ATP6V1B1: variants seen among roughly 807,000 people sequenced by gnomAD.
ATP6V1B1 encodes the protein ATPase H+ transporting V1 subunit B1, also known as V-type proton ATPase subunit B, kidney isoform.
In ATP6V1B1, 41 loss-of-function variants were observed where a neutral mutation model predicts 62.1. That is an observed-to-expected ratio of 0.66 (90% CI 0.51 to 0.86). The LOEUF is 0.86. Ranked by LOEUF, ATP6V1B1 falls within the 40% of genes least tolerant of loss-of-function variation. ATP6V1B1 has a pLI of 0.00. For synonymous variants in ATP6V1B1, 253 were observed against 273.4 expected (o/e 0.93, Z 0.74); for missense variants, 651 against 697.5 (o/e 0.93, Z 0.75).
intron 2 of ATP6V1B1, among the ~76,000 whole-genome samples, chr2:70,944,772 T>C (rs949019039): frequency 2.7e-5 from 4 of 150,766 alleles, no homozygotes; most frequent in East Asian, 2.0e-4. Context: ...AGGTTCACGC[T>C]ATTCTCCTGC....
chr2:70,938,059 G>A (rs1553415778), intron 1 of ATP6V1B1, among the ~76,000 whole-genome samples: 2 of 152,162 alleles, frequency 1.3e-5, no homozygotes, highest in African/African-American at 2.4e-5. Context: ...TCTAGGCTCT[G>A]CTCCCTGCCA....
At chr2:70,962,210 C>T (rs1260745735) in intron 8 of ATP6V1B1, among the ~76,000 whole-genome samples, 12 of 152,070 alleles carry the variant, frequency 7.9e-5, no homozygotes, top group Admixed American at 3.3e-4. Context: ...AGCTGAGGTA[C>T]GGTATTCAGG....
At chr2:70,962,660 T>C (rs1553420279) in intron 8 of ATP6V1B1, 117 bp from the exon 9 acceptor site, 11 of 1,521,504 alleles carry the variant, frequency 7.2e-6, no homozygotes, top group Non-Finnish European at 9.8e-6. Context: ...ATCTTATCCA[T>C]TCCTCTGCCA....
At chr2:70,956,686 TCTGCCTTC>T (rs1193514043) in intron 2 of ATP6V1B1, among the ~76,000 whole-genome samples, 1 of 152,192 alleles carries the variant, frequency 6.6e-6, no homozygotes, top group Non-Finnish European at 1.5e-5. Context: ...CACTGCAACC[TCTGCCTTC>T]CTGGCTCAAG....
Position 70,959,819 on chromosome 2 carries a change from GT to G in ATP6V1B1, c.446-117del. On this transcript the variant is annotated intron_variant, in intron 5 of 13. Transcript: ENST00000234396. This position sits in a 1 kb window ranked among gnomAD's most constrained non-coding sequence, Gnocchi z 4.2. ...ACATCAGGCAGCACGGCCAGAGCAC[GT>G]TTCTATCATCACAGAAAGTTCCGTC... 6.7e-7 allele frequency: 1 copy of G among 1,495,020 alleles called. No homozygotes were observed. Among genetic ancestry groups the G allele is most frequent in the Admixed American group, 1.8e-5 (1 of 56,666 alleles). 92.6% of individuals were successfully genotyped at this position (1,495,020 alleles called of 1,614,324 possible).
chr2:70,939,468 C>G (rs758501884), intron 1 of ATP6V1B1: 1 of 152,322 alleles, frequency 6.6e-6, no homozygotes, highest in Non-Finnish European at 1.5e-5. Context: ...TCGCTGAGCG[C>G]TGCAGGATAC....
chr2:70,946,424 T>C (rs2283775), intron 2 of ATP6V1B1, among the ~76,000 whole-genome samples: 23,667 of 152,138 alleles, frequency 0.16, 2,160 homozygotes, highest in East Asian at 0.48. Flanking sequence ...GCATTAGCAC[T>C]GCCCAGGAAC....
chr2:70,963,264 C>T lies in ATP6V1B1; in HGVS notation c.1012C>T (p.Arg338Trp), dbSNP rs1361296716. The T allele has an allele frequency of 7.4e-6, 12 of 1,613,594 alleles. No individual in the cohort carries two copies. The highest frequency in any genetic ancestry group is 1.6e-4 in the Middle Eastern group (1 of 6,084). ...CGAGCGGGCGGGCCGCGTGGAGGGT[C>T]GGGGAGGATCCATCACACAGATCCC... ...IYERAGRVEG[R>W]GGSITQIPIL... Residue 338 changes from arginine to tryptophan, a missense_variant, in exon 10 of 14, where the codon CGG (arginine) becomes TGG (tryptophan). Arg to Trp is a moderately radical substitution (Grantham distance 101, BLOSUM62 -3). Coordinates refer to ENST00000234396, the MANE Select transcript of ATP6V1B1 (RefSeq NM_001692.4). The surrounding 1 kb of genome is among the most constrained non-coding windows in gnomAD (Gnocchi z 4.3).
In ATP6V1B1 at chr2:70,958,109, G is replaced by C; in HGVS notation, c.238G>C (p.Val80Leu). 1.2e-6 allele frequency: 2 copies of C among 1,614,190 alleles called. No individual in the cohort carries two copies. The highest frequency in any genetic ancestry group is 8.5e-7 in the Non-Finnish European group (1 of 1,180,042). Residue 80 changes from valine (V) to leucine (L), a missense_variant, in exon 3 of 14, where the codon GTG becomes CTG. Transcript: ENST00000234396. ...AGATGGGACTCAGAGGAGCGGGCAG[G>C]TGCTTGAGGTGGCTGGCACCAAGGC... ...LPDGTQRSGQ[V>L]LEVAGTKAIV...
chr2:70,958,058 G>C lies in ATP6V1B1; in HGVS notation c.187G>C (p.Ala63Pro). The C allele has an allele frequency of 6.2e-7, 1 of 1,614,080 alleles. No individual in the cohort carries two copies. Among genetic ancestry groups the C allele is most frequent in the Non-Finnish European group, 8.5e-7 (1 of 1,179,986 alleles). The change falls in exon 3 of 14, where the codon GCG becomes CCG. Residue 63 changes from alanine (A) to proline (P), a missense_variant. Physicochemically the swap from Ala to Pro is conservative, Grantham distance 27. Transcript: ENST00000234396. ...CCCCTCCTGCCAGTTTGCCCAGTAT[G>C]CGGAGATCGTCCACTTCACCCTCCC... ...VLDRVKFAQY[A>P]EIVHFTLPDG...
Position 70,958,161 on chromosome 2 carries a change from G to C in ATP6V1B1, c.273+17G>C. 3 of 1,611,776 alleles carry C rather than the reference G, an allele frequency of 1.9e-6. No homozygotes were observed. Among genetic ancestry groups the C allele is most frequent in the Non-Finnish European group, 2.5e-6 (3 of 1,178,330 alleles). The stretch of plus-strand genomic sequence containing the variant: ...ATTGTTCAGGTGAGTGGGGTCAATG[G>C]GACATTGGCTAGTTAAATCAATGAA... On this transcript the variant is annotated intron_variant, in intron 3 of 13. Coordinates refer to ENST00000234396, the MANE Select transcript of ATP6V1B1 (RefSeq NM_001692.4).
intron 2 of ATP6V1B1, chr2:70,956,233 AT>A: frequency 4.6e-6 from 1 of 217,142 alleles, no homozygotes; most frequent in Non-Finnish European, 1.1e-5. Context: ...CTCTCCATCC[AT>A]TTTGTTCTTA....
intron 7 of ATP6V1B1, 175 bp downstream of exon 7, chr2:70,961,197 C>A: frequency 1.4e-6 from 1 of 734,852 alleles, no homozygotes; most frequent in Non-Finnish European, 2.4e-6. Flanking sequence ...GTCCCAAAGG[C>A]AATCACAGTG....
At chr2:70,948,795 C>A (rs1304619149) in intron 2 of ATP6V1B1, among the ~76,000 whole-genome samples, 1 of 152,154 alleles carries the variant, frequency 6.6e-6, no homozygotes, top group African/African-American at 2.4e-5. Context: ...CAAGGGAGGA[C>A]TCAAGGTAGC....
intron 1 of ATP6V1B1, among the ~76,000 whole-genome samples, chr2:70,937,443 G>C (rs1679883873): frequency 6.6e-6 from 1 of 152,088 alleles, no homozygotes; most frequent in South Asian, 2.1e-4. Context: ...GGGTGGGTCA[G>C]ATTTCTCAAG....
chr2:70,936,112 G>A (rs1553415321), intron 1 of ATP6V1B1, 40 bp downstream of exon 1: 3 of 1,601,966 alleles, frequency 1.9e-6, no homozygotes, highest in Non-Finnish European at 2.6e-6. Flanking sequence ...GGTCAGGGTG[G>A]GGAGCTGGGG....
At position 70,941,344 on chromosome 2, in the gene ATP6V1B1, G is replaced by A. The variant is rs1377745899; in HGVS notation, c.119-2314G>A. 7 of 985,510 alleles carry A rather than the reference G, an allele frequency of 7.1e-6. No homozygotes were observed. In the African/African-American group the frequency reaches 1.0e-4, roughly 15 times the overall value. The allele number at this position is 985,510 out of a possible 1,614,324, so 61.0% of individuals were successfully genotyped here. ...GTCTTACTGCACCTGAAGCGAGCCTGTGCATGCCAGCCCACTGCCCCTCTT... is the reference window on the plus strand; with the variant it reads ...GTCTTACTGCACCTGAAGCGAGCCTATGCATGCCAGCCCACTGCCCCTCTT... On this transcript the variant is annotated intron_variant, in intron 1 of 13. Transcript: ENST00000234396.
intron 8 of ATP6V1B1, 99 bp from the exon 9 acceptor site, chr2:70,962,678 C>T: frequency 3.2e-6 from 5 of 1,573,066 alleles, no homozygotes; most frequent in Non-Finnish European, 4.3e-6. Flanking sequence ...CCACTATGCA[C>T]AACACCAGCT....
chr2:70,963,385 C>T lies in ATP6V1B1; in HGVS notation c.1060+73C>T, dbSNP rs1680637622. The T allele has an allele frequency of 6.2e-7, 1 of 1,607,262 alleles. No individual in the cohort carries two copies. Among genetic ancestry groups the T allele is most frequent in the Admixed American group, 1.7e-5 (1 of 59,904 alleles). On this transcript the variant is annotated intron_variant, in intron 10 of 13. Transcript: ENST00000234396. This position sits in a 1 kb window ranked among gnomAD's most constrained non-coding sequence, Gnocchi z 4.3. ...TTTTCCAACCAGATACTTAAAGGGC[C>T]CACGTTGCTTTGCACAGATGTGCAG...
Sources: allele counts gnomAD v4.1 joint callset (sites outside exome capture counted in the v4.1 genomes callset), GRCh38; gene constraint gnomAD v4.1.1; non-coding constraint Gnocchi (gnomAD v3.1); transcripts MANE v1.5; gene names NCBI Gene and HGNC (gene_info 2026-07-23, HGNC 2026-07-21).